Variants in ITPR2 observed in about 807,000 individuals in gnomAD.
ITPR2 encodes the protein inositol 1,4,5-trisphosphate-gated calcium channel ITPR2.
A neutral mutation model predicts 317.1 loss-of-function variants in ITPR2; 207 were observed. The observed-to-expected ratio is 0.65, with a 90% CI of 0.58 to 0.73. The LOEUF is 0.73. ITPR2 is among the 30% of genes least tolerant of loss of function. The pLI is 0.00. For synonymous variants in ITPR2, 1,156 were observed against 1,149.1 expected, an observed-to-expected ratio of 1.01 and a Z score of -0.12; for missense variants, 2,613 against 3,284.0, an observed-to-expected ratio of 0.80 and a Z score of 4.99.
intron 32 of ITPR2, among the ~76,000 whole-genome samples, chr12:26,591,079 C>CAAAAAAAAAAAAAA: frequency 2.3e-5 from 1 of 43,408 alleles, no homozygotes; most frequent in Non-Finnish European, 4.0e-5. Flanking sequence ...GACTCCATCT[C>CAAAAAAAAAAAAAA]AAAAAAAAAA....
intron 32 of ITPR2, among the ~76,000 whole-genome samples, chr12:26,580,829 G>T (rs1419829147): frequency 6.6e-6 from 1 of 152,156 alleles, no homozygotes; most frequent in Non-Finnish European, 1.5e-5. Context: ...TACATCTGAT[G>T]AAATGAGGCA....
intron 13 of ITPR2, among the ~76,000 whole-genome samples, chr12:26,675,686 T>C (rs957247630): frequency 3.9e-5 from 6 of 152,132 alleles, no homozygotes; most frequent in African/African-American, 1.4e-4. Flanking sequence ...CCCTAAAACT[T>C]AAAGTATAAT....
intron 39 of ITPR2, among the ~76,000 whole-genome samples, chr12:26,491,932 T>C (rs1455533264): frequency 6.6e-6 from 1 of 152,190 alleles, no homozygotes; most frequent in Admixed American, 6.5e-5. Context: ...GACAGCTGGA[T>C]ACATAGTCTA....
chr12:26,627,052 C>T lies in ITPR2; in HGVS notation c.3064+981G>A, dbSNP rs191374319. Among the ~76,000 whole-genome samples, 6 of 152,230 alleles carry T rather than the reference C, an allele frequency of 3.9e-5. No individual in the cohort carries two copies. In the East Asian group the frequency reaches 1.2e-3, roughly 29 times the overall value. On this transcript the variant is annotated intron_variant, in intron 23 of 56. Coordinates refer to ENST00000381340, the MANE Select transcript of ITPR2 (RefSeq NM_002223.4). ...ATAACTGTGCTCTTTTGTTATGCTC[C>T]AGTGCTCAGAGATAAATTAGCTTCA...
intron 1 of ITPR2, among the ~76,000 whole-genome samples, chr12:26,814,748 TCTC>T (rs1432408962): frequency 6.6e-6 from 1 of 152,136 alleles, no homozygotes; most frequent in African/African-American, 2.4e-5. Context: ...AACAGTAAAA[TCTC>T]CTTTTATGGC....
At chr12:26,452,229 T>G (rs1467632626) in intron 45 of ITPR2, among the ~76,000 whole-genome samples, 1 of 151,832 alleles carries the variant, frequency 6.6e-6, no homozygotes, top group African/African-American at 2.4e-5. Flanking sequence ...TTGGATTCCC[T>G]TCTGAAAATC....
At chr12:26,633,549 A>C (rs1199075122) in intron 21 of ITPR2, among the ~76,000 whole-genome samples, 1 of 152,254 alleles carries the variant, frequency 6.6e-6, no homozygotes, top group African/African-American at 2.4e-5. Context: ...TGTAATTTCC[A>C]AGTTCGGACA....
chr12:26,811,881 G>A (rs113801838), intron 1 of ITPR2, among the ~76,000 whole-genome samples: 1,499 of 132,070 alleles, frequency 0.011, 25 homozygotes, highest in African/African-American at 0.04. Flanking sequence ...AAGAAATCTA[G>A]GGCCGGGCGT....
In ITPR2 at chr12:26,665,965, G is replaced by T. The variant is rs768858027; in HGVS notation, c.1496C>A (p.Thr499Asn). ...NGQEVLDVVITKPNRERQKLM... is the reference protein window; with the variant it reads ...NGQEVLDVVINKPNRERQKLM... ...TTTTTGACGCTCTCGGTTTGGCTTA[G>T]TGATAACCACATCCAGAACTTCTTG... The change falls in exon 14 of 57, where the codon ACT becomes AAT. Residue 499 changes from threonine to asparagine, a missense_variant. Thr to Asn is a moderately conservative substitution (Grantham distance 65, BLOSUM62 0). Transcript: ENST00000381340. The T allele has an allele frequency of 1.2e-6, 2 of 1,613,858 alleles. No individual in the cohort carries two copies. Among genetic ancestry groups the T allele is most frequent in the Admixed American group, 3.3e-5 (2 of 60,024 alleles).
intron 26 of ITPR2, among the ~76,000 whole-genome samples, chr12:26,618,317 G>A (rs1468333421): frequency 6.6e-6 from 1 of 152,182 alleles, no homozygotes; most frequent in Non-Finnish European, 1.5e-5. Context: ...CTGACTTGAA[G>A]TGAATGAATA....
intron 32 of ITPR2, among the ~76,000 whole-genome samples, chr12:26,580,733 C>G (rs572545349): frequency 3.9e-5 from 6 of 152,268 alleles, no homozygotes; most frequent in Non-Finnish European, 8.8e-5. Context: ...TGCGTGCATT[C>G]TTCTCAGAGT....
chr12:26,801,533 G>A (rs1183133231), intron 1 of ITPR2, among the ~76,000 whole-genome samples: 1 of 152,302 alleles, frequency 6.6e-6, no homozygotes. Flanking sequence ...CCCTAGGGTT[G>A]GGTTTGCTTT....
chr12:26,533,386 CTGTT>C (rs1380949318), intron 37 of ITPR2, among the ~76,000 whole-genome samples: 11 of 152,316 alleles, frequency 7.2e-5, no homozygotes, highest in South Asian at 2.1e-4. Context: ...CTTCTTAAAT[CTGTT>C]TGTAGATGCC....
chr12:26,771,021 C>A (rs867057512), intron 2 of ITPR2, among the ~76,000 whole-genome samples: 1 of 152,096 alleles, frequency 6.6e-6, no homozygotes, highest in Non-Finnish European at 1.5e-5. Context: ...CTTCTGTGTG[C>A]GCCTTCTATT....
chr12:26,782,805 GA>G (rs747243920), intron 2 of ITPR2, among the ~76,000 whole-genome samples: 1 of 152,186 alleles, frequency 6.6e-6, no homozygotes, highest in Non-Finnish European at 1.5e-5. Context: ...TTTCAAATCT[GA>G]AATAGTTTCA....
chr12:26,828,773 A>G (rs1288928796), intron 1 of ITPR2, among the ~76,000 whole-genome samples: 1 of 152,238 alleles, frequency 6.6e-6, no homozygotes, highest in Non-Finnish European at 1.5e-5. Context: ...AAATTAGGAT[A>G]AAGTAGCTTG....
At chr12:26,798,410 A>G (rs998903578) in intron 1 of ITPR2, among the ~76,000 whole-genome samples, 2 of 152,176 alleles carry the variant, frequency 1.3e-5, no homozygotes, top group African/African-American at 4.8e-5. Flanking sequence ...TCTGACATGT[A>G]TCATAATTTA....
chr12:26,632,137 C>A, intron 21 of ITPR2, 78 bp from the exon 22 acceptor site: 2 of 1,153,880 alleles, frequency 1.7e-6, no homozygotes, highest in East Asian at 2.6e-5. Context: ...TTAGTCACAA[C>A]CACACTGAAA....
chr12:26,552,484 A>G (rs1424643843), intron 36 of ITPR2, among the ~76,000 whole-genome samples: 1 of 152,218 alleles, frequency 6.6e-6, no homozygotes, highest in Non-Finnish European at 1.5e-5. Context: ...ACCCAGCTCA[A>G]TGGTGACAGT....
Sources: gnomAD v4.1 joint callset for allele counts (sites outside exome capture counted in the v4.1 genomes callset) on GRCh38, gnomAD v4.1.1 for gene constraint, MANE v1.5 for transcripts, NCBI Gene and HGNC (gene_info 2026-07-23, HGNC 2026-07-21) for gene names.